RAPGEF1: variants seen among roughly 807,000 people sequenced by gnomAD.
RAPGEF1 encodes the protein CRK SH3-binding GNRP.
A neutral mutation model predicts 143.3 loss-of-function variants in RAPGEF1; 33 were observed. That is an observed-to-expected ratio of 0.23 (90% CI 0.17 to 0.31). The LOEUF (loss-of-function observed/expected upper bound fraction) is 0.31, where lower values mean the gene tolerates loss of function less well. RAPGEF1 is among the 10% of genes least tolerant of loss of function. The pLI is 1.00. For synonymous variants in RAPGEF1, 629 were observed against 676.5 expected, an observed-to-expected ratio of 0.93 and a Z score of 1.09; for missense variants, 1,199 against 1,645.4, an observed-to-expected ratio of 0.73 and a Z score of 4.69.
At chr9:131,715,277 G>A (rs1377377888) in intron 1 of RAPGEF1, among the ~76,000 whole-genome samples, 1 of 152,140 alleles carries the variant, frequency 6.6e-6, no homozygotes, top group Non-Finnish European at 1.5e-5. Context: ...AATTCAGGGT[G>A]GGGGACGCAT....
chr9:131,634,141 T>A (rs1209224751), intron 5 of RAPGEF1, among the ~76,000 whole-genome samples: 1 of 152,124 alleles, frequency 6.6e-6, no homozygotes, highest in East Asian at 1.9e-4. Context: ...TGGTCCCAGC[T>A]ACTCCGGAGG....
Position 131,641,900 on chromosome 9 carries a change from G to C in RAPGEF1, c.494+1339C>G, listed in dbSNP as rs1342525020. On this transcript the variant is annotated intron_variant, in intron 4 of 26. Transcript: ENST00000683357. The surrounding 1 kb of genome is among the most constrained non-coding windows in gnomAD (Gnocchi z 4.6). ...GGGCAGAGAGTTTCTTGTAAATAAAGACACTATTTGCTTTATCCCCCAGAA... is the reference window on the plus strand; with the variant it reads ...GGGCAGAGAGTTTCTTGTAAATAAACACACTATTTGCTTTATCCCCCAGAA... 2.6e-5 allele frequency among the ~76,000 whole-genome samples: 4 copies of C among 152,188 alleles called. No individual in the cohort carries two copies. In the East Asian group the frequency reaches 7.7e-4, roughly 29 times the overall value.
rs138825764 is a variant in RAPGEF1, at chr9:131,673,088, G to A, written c.62-22139C>T. On this transcript the variant is annotated intron_variant, in intron 1 of 26. Coordinates refer to ENST00000683357, the MANE Select transcript of RAPGEF1 (RefSeq NM_001377935.1). ...CCTACTTTGTGCTGGGAAAAAAAGT[G>A]CTTTTTGCCCTCAAATAACTGCACT... Among the ~76,000 whole-genome samples the A allele has an allele frequency of 2.3e-3, 351 of 152,284 alleles. 1 individual carries two copies. Among genetic ancestry groups the A allele is most frequent in the Non-Finnish European group, 3.5e-3 (238 of 68,020 alleles).
intron 1 of RAPGEF1, among the ~76,000 whole-genome samples, chr9:131,702,275 T>A (rs1050050904): frequency 6.6e-6 from 1 of 152,220 alleles, no homozygotes; most frequent in African/African-American, 2.4e-5. Context: ...TATTTAATAA[T>A]CATTGCTCTC....
At chr9:131,680,870 G>A (rs184362217) in intron 1 of RAPGEF1, among the ~76,000 whole-genome samples, 5 of 152,012 alleles carry the variant, frequency 3.3e-5, no homozygotes, top group South Asian at 2.1e-4. Flanking sequence ...CTCGCGGACC[G>A]AGCTGGTCTC....
chr9:131,643,430 GT>G lies in RAPGEF1; in HGVS notation c.316-14del. ...GCCAGCTCAGGTTCTGAAAGGAGAC[GT>G]TAGGCATAAGGAGGAGGAGAGAGAT... On this transcript the variant is annotated splice_polypyrimidine_tract_variant and intron_variant, in intron 3 of 26. Coordinates refer to ENST00000683357, the MANE Select transcript of RAPGEF1 (RefSeq NM_001377935.1). The G allele has an allele frequency of 6.2e-7, 1 of 1,609,226 alleles. No individual in the cohort carries two copies. The highest frequency in any genetic ancestry group is 8.5e-7 in the Non-Finnish European group (1 of 1,177,726).
At position 131,709,324 on chromosome 9, in the gene RAPGEF1, C is replaced by A. The variant is rs146354923; in HGVS notation, c.61+30446G>T. Among the ~76,000 whole-genome samples, 359 of 152,126 alleles carry A rather than the reference C, an allele frequency of 2.4e-3. 2 individuals carry two copies. Among genetic ancestry groups the A allele is most frequent in the Non-Finnish European group, 3.6e-3 (248 of 68,004 alleles). ...TCATGCCACTGCATTCCAGCCTGGGCGACAGAACGAGACTCCATTTCAAAA... is the reference window on the plus strand; with the variant it reads ...TCATGCCACTGCATTCCAGCCTGGGAGACAGAACGAGACTCCATTTCAAAA... On this transcript the variant is annotated intron_variant, in intron 1 of 26. Transcript: ENST00000683357.
Position 131,587,996 on chromosome 9 carries a change from A to G in RAPGEF1, c.3084T>C (p.His1028=), listed in dbSNP as rs926957660. 2.6e-5 allele frequency: 42 copies of G among 1,601,720 alleles called. No individual in the cohort carries two copies. The highest frequency in any genetic ancestry group is 3.5e-5 in the Non-Finnish European group (41 of 1,169,584). The part of the protein sequence containing the change: ...RPGTLHDFHS[H]EIAEQLTLLD... ...GCAGCGTTAGCTGCTCCGCTATCTCATGGCTGTGAAAGTCGTGCAAGGTCC... is the reference window on the plus strand; with the variant it reads ...GCAGCGTTAGCTGCTCCGCTATCTCGTGGCTGTGAAAGTCGTGCAAGGTCC... The change falls in exon 21 of 27, where the codon CAT becomes CAC. Residue 1028 remains histidine (H), a synonymous_variant. Transcript: ENST00000683357.
chr9:131,588,075 G>T (rs770970168), intron 20 of RAPGEF1, 49 bp from the exon 21 acceptor site: 1 of 1,501,290 alleles, frequency 6.7e-7, no homozygotes, highest in South Asian at 1.2e-5. Flanking sequence ...GGAGGCCGGT[G>T]GGGAGGGCTG....
intron 1 of RAPGEF1, among the ~76,000 whole-genome samples, chr9:131,721,190 T>C (rs1270096756): frequency 2.6e-5 from 4 of 152,174 alleles, no homozygotes; most frequent in Admixed American, 6.5e-5. Context: ...CAGTGCGAAT[T>C]TGTGGAACGC....
intron 1 of RAPGEF1, among the ~76,000 whole-genome samples, chr9:131,670,073 T>C (rs974034138): frequency 2.0e-5 from 3 of 152,210 alleles, no homozygotes; most frequent in Non-Finnish European, 2.9e-5. Context: ...CAGGTACCAC[T>C]GTCTTCATGC....
chr9:131,658,506 T>C (rs963990981), intron 1 of RAPGEF1, among the ~76,000 whole-genome samples: 6 of 152,222 alleles, frequency 3.9e-5, no homozygotes, highest in Non-Finnish European at 1.5e-5. Context: ...ACTAATCTGC[T>C]AGTCATTCCT....
intron 1 of RAPGEF1, among the ~76,000 whole-genome samples, chr9:131,712,628 G>T (rs1356692207): frequency 6.6e-6 from 1 of 152,206 alleles, no homozygotes; most frequent in African/African-American, 2.4e-5. Context: ...CACAGTTACA[G>T]AACCTGGGCT....
At position 131,584,680 on chromosome 9, in the gene RAPGEF1, C is replaced by A. The variant is rs567500476; in HGVS notation, c.3234-84G>T. ...GGTCCTGGTGGAGACAGGACCTGTA[C>A]GACCCCCATGCCAGTGGCCACGAGC... On this transcript the variant is annotated intron_variant, in intron 22 of 26. Coordinates refer to ENST00000683357, the MANE Select transcript of RAPGEF1 (RefSeq NM_001377935.1). This position sits in a 1 kb window ranked among gnomAD's most constrained non-coding sequence, Gnocchi z 6.8. 2 of 1,389,288 alleles carry A rather than the reference C, an allele frequency of 1.4e-6. No individual in the cohort carries two copies. Among genetic ancestry groups the A allele is most frequent in the Non-Finnish European group, 2.0e-6 (2 of 980,964 alleles). The allele number at this position is 1,389,288 out of a possible 1,614,324, so 86.1% of individuals were successfully genotyped here. A position where few individuals can be genotyped will look rare whatever the true frequency, so the allele number is the denominator to read the frequency against.
intron 15 of RAPGEF1, among the ~76,000 whole-genome samples, chr9:131,599,531 T>C (rs1955915280): frequency 6.6e-6 from 1 of 151,544 alleles, no homozygotes; most frequent in Non-Finnish European, 1.5e-5. Context: ...TCTGGCCTCG[T>C]CTAAAGGTCG....
chr9:131,645,417 T>C (rs1969305691), intron 3 of RAPGEF1, among the ~76,000 whole-genome samples: 1 of 152,210 alleles, frequency 6.6e-6, no homozygotes, highest in Non-Finnish European at 1.5e-5. Flanking sequence ...CACTCGAAAG[T>C]GGCAAGGCAC....
chr9:131,638,809 A>T lies in RAPGEF1; in HGVS notation c.495-18T>A. 6.2e-7 allele frequency: 1 copy of T among 1,610,884 alleles called. No homozygotes were observed. On this transcript the variant is annotated intron_variant, in intron 4 of 26. Transcript: ENST00000683357. ...GGGCTGAGCTACAGGGAAGAGAAGA[A>T]TGGAAAAAAAGAAAATCTAAAGCAT...
At chr9:131,596,244 A>G (rs1564479297) in intron 17 of RAPGEF1, 54 bp downstream of exon 17, 3 of 1,558,476 alleles carry the variant, frequency 1.9e-6, no homozygotes, top group Non-Finnish European at 2.7e-6. Flanking sequence ...TGGGAGGCCG[A>G]GTGGCACCCG....
intron 12 of RAPGEF1, 37 bp downstream of exon 12, chr9:131,619,014 C>T (rs755113501): frequency 1.7e-5 from 23 of 1,340,148 alleles, no homozygotes; most frequent in South Asian, 7.2e-5. Context: ...GCCCTGTTCA[C>T]GCGTTTCCAA....
Sources: gnomAD v4.1 joint callset for allele counts (sites outside exome capture counted in the v4.1 genomes callset) on GRCh38, gnomAD v4.1.1 for gene constraint, Gnocchi (gnomAD v3.1) non-coding constraint, MANE v1.5 for transcripts, NCBI Gene and HGNC (gene_info 2026-07-23, HGNC 2026-07-21) for gene names.